Variants in NUP210L observed in about 807,000 individuals in gnomAD.
NUP210L encodes nucleoporin 210 like.
In NUP210L, 74 loss-of-function variants were observed where a neutral mutation model predicts 208.5. That is an observed-to-expected ratio of 0.35 (90% CI 0.29 to 0.43). The LOEUF is 0.43. NUP210L is among the 20% of genes least tolerant of loss of function. The pLI is 1.00. For missense variants in NUP210L, 1,843 were observed against 2,289.4 expected (o/e 0.81, Z 3.98); for synonymous variants, 780 against 816.9 (o/e 0.95, Z 0.77).
In NUP210L at chr1:154,051,560, G is replaced by A. The variant is rs1005210786; in HGVS notation, c.3483+2668C>T. Among the ~76,000 whole-genome samples the A allele has an allele frequency of 5.3e-5, 8 of 152,214 alleles. No homozygotes were observed. The East Asian group carries it at 9.6e-4, about 18-fold the overall frequency. ...ATGTTAATGTCTCTGGTCACAAAGCGCAGATACAGCATTACCTGGAAAGAA... is the reference window on the plus strand; with the variant it reads ...ATGTTAATGTCTCTGGTCACAAAGCACAGATACAGCATTACCTGGAAAGAA... On this transcript the variant is annotated intron_variant, in intron 25 of 39. Coordinates refer to ENST00000368559, the Ensembl canonical transcript of NUP210L.
intron 35 of NUP210L, among the ~76,000 whole-genome samples, chr1:154,009,456 A>G (rs1650771596): frequency 6.6e-6 from 1 of 152,010 alleles, no homozygotes; most frequent in African/African-American, 2.4e-5. Context: ...TTATAATAGA[A>G]AAGCACAGGA....
At chr1:154,131,908 G>A (rs937467641) in intron 7 of NUP210L, among the ~76,000 whole-genome samples, 10 of 151,958 alleles carry the variant, frequency 6.6e-5, no homozygotes, top group African/African-American at 2.4e-4. Context: ...AGGTTCATGC[G>A]ATTCTCCTGC....
At chr1:154,080,272 A>G (rs908387602) in intron 16 of NUP210L, among the ~76,000 whole-genome samples, 3 of 152,076 alleles carry the variant, frequency 2.0e-5, no homozygotes, top group Non-Finnish European at 4.4e-5. Flanking sequence ...AGGCAGGACA[A>G]TCGTTTGAAC....
intron 2 of NUP210L, among the ~76,000 whole-genome samples, chr1:154,149,441 C>T (rs532860398): frequency 5.3e-4 from 81 of 152,282 alleles, no homozygotes; most frequent in African/African-American, 1.9e-3. Context: ...CTGCCCAGTA[C>T]AATGGCCCAA....
chr1:154,145,822 A>G lies in NUP210L; in HGVS notation c.341-2245T>C, dbSNP rs536158014. On this transcript the variant is annotated intron_variant, in intron 2 of 39. Coordinates refer to ENST00000368559, the Ensembl canonical transcript of NUP210L. Reference sequence around the variant, plus strand: ...TATATGTGTATACAGGAGTTAGCATATATACATATATTTCCTAGTTATGTT... The same window carrying G: ...TATATGTGTATACAGGAGTTAGCATGTATACATATATTTCCTAGTTATGTT... Among the ~76,000 whole-genome samples, 3 of 152,284 alleles carry G rather than the reference A, an allele frequency of 2.0e-5. 1 individual carries two copies. The South Asian group carries it at 6.2e-4, about 32-fold the overall frequency.
At chr1:154,112,684 T>C (rs1279070912) in intron 12 of NUP210L, among the ~76,000 whole-genome samples, 2 of 151,732 alleles carry the variant, frequency 1.3e-5, no homozygotes, top group Non-Finnish European at 1.5e-5. Flanking sequence ...AGGGAGACCC[T>C]GTCTCTAAAA....
chr1:154,016,984 ACGC>A (rs1318645037), intron 33 of NUP210L, among the ~76,000 whole-genome samples: 9 of 151,420 alleles, frequency 5.9e-5, no homozygotes, highest in African/African-American at 1.9e-4. Flanking sequence ...ACAAAAAAAC[ACGC>A]ACAAAAAAGC....
chr1:154,105,305 C>T (rs1656693738), intron 12 of NUP210L, among the ~76,000 whole-genome samples: 1 of 152,036 alleles, frequency 6.6e-6, no homozygotes, highest in African/African-American at 2.4e-5. Context: ...GTCTGGCCAA[C>T]ATGGCGAAAC....
intron 23 of NUP210L, 28 bp downstream of exon 23, chr1:154,056,787 C>G: frequency 1.9e-6 from 3 of 1,542,390 alleles, no homozygotes; most frequent in Non-Finnish European, 2.6e-6. Context: ...AGAAAAAGTA[C>G]AAATTTTGGA....
At chr1:154,116,974 T>G (rs1002446611) in intron 12 of NUP210L, among the ~76,000 whole-genome samples, 4 of 152,194 alleles carry the variant, frequency 2.6e-5, no homozygotes, top group African/African-American at 9.6e-5. Context: ...AAGACTATAC[T>G]TTCAGTGATC....
At chr1:154,011,690 T>C (rs938178393) in intron 34 of NUP210L, among the ~76,000 whole-genome samples, 1 of 134,860 alleles carries the variant, frequency 7.4e-6, no homozygotes, top group Non-Finnish European at 1.6e-5. Flanking sequence ...TTTTTTTTTT[T>C]TTTTTTTTTT....
At chr1:154,148,556 T>A (rs1189926704) in intron 2 of NUP210L, among the ~76,000 whole-genome samples, 1 of 152,216 alleles carries the variant, frequency 6.6e-6, no homozygotes, top group Non-Finnish European at 1.5e-5. Context: ...TTTAGCAATG[T>A]GTATCTTTAA....
intron 24 of NUP210L, 61 bp downstream of exon 24, chr1:154,054,709 T>TGAGA (rs373373242): frequency 1.9e-6 from 2 of 1,031,912 alleles, no homozygotes; most frequent in East Asian, 2.5e-5. Flanking sequence ...TGTGTGTGTG[T>TGAGA]GAGAGAGAGA....
In NUP210L at chr1:154,102,614, T is replaced by C. The variant is rs139143949; in HGVS notation, c.1819+1398A>G. Among the ~76,000 whole-genome samples, 115 of 152,192 alleles carry C rather than the reference T, an allele frequency of 7.6e-4. 1 individual carries two copies. Among genetic ancestry groups the C allele is most frequent in the African/African-American group, 2.7e-3 (112 of 41,522 alleles). On this transcript the variant is annotated intron_variant, in intron 13 of 39. Coordinates refer to ENST00000368559, the Ensembl canonical transcript of NUP210L. The stretch of plus-strand genomic sequence containing the variant: ...ATATAAGAATTAAATAGTTAATGTA[T>C]AAAAAGTATTCAGAACAGAGCTTGG...
chr1:154,021,780 C>A (rs1325046616), intron 32 of NUP210L, among the ~76,000 whole-genome samples: 1 of 152,128 alleles, frequency 6.6e-6, no homozygotes, highest in East Asian at 1.9e-4. Flanking sequence ...GACTCTTGAT[C>A]AATATTACTG....
intron 32 of NUP210L, among the ~76,000 whole-genome samples, chr1:154,020,059 G>T (rs1651469918): frequency 6.6e-6 from 1 of 152,222 alleles, no homozygotes; most frequent in Admixed American, 6.5e-5. Flanking sequence ...GTCCTGGATT[G>T]CATGTTGGTA....
At chr1:154,036,345 TGTGTGTG>T (rs1475686489) in intron 27 of NUP210L, among the ~76,000 whole-genome samples, 1 of 146,558 alleles carries the variant, frequency 6.8e-6, no homozygotes, top group African/African-American at 2.5e-5. Context: ...TGTGTGTGTG[TGTGTGTG>T]TGTGTGTGTA....
chr1:154,010,530 C>T (rs564353983), intron 34 of NUP210L, among the ~76,000 whole-genome samples: 4 of 152,024 alleles, frequency 2.6e-5, no homozygotes, highest in African/African-American at 7.2e-5. Context: ...TCTCCCACCA[C>T]GCCTGGCGTC....
intron 16 of NUP210L, among the ~76,000 whole-genome samples, chr1:154,084,213 A>ATTT (rs757068435): frequency 8.0e-6 from 1 of 124,800 alleles, no homozygotes; most frequent in African/African-American, 2.9e-5. Flanking sequence ...CTAATTTTTA[A>ATTT]TTTTTTTTTT....
Sources: gnomAD v4.1 joint callset for allele counts (sites outside exome capture counted in the v4.1 genomes callset) on GRCh38, gnomAD v4.1.1 for gene constraint, MANE v1.5 for transcripts, NCBI Gene and HGNC (gene_info 2026-07-23, HGNC 2026-07-21) for gene names.